The following RNASEH2B variants were observed in gnomAD, a reference collection of about 807,000 sequenced individuals.
RNASEH2B encodes the protein ribonuclease H2 subunit B.
Under a neutral mutation model 45.0 loss-of-function variants are expected in RNASEH2B, and 36 were observed. That is an observed-to-expected ratio of 0.80 (90% CI 0.61 to 1.06). The LOEUF (loss-of-function observed/expected upper bound fraction) is 1.06. Ranked by LOEUF, RNASEH2B falls within the 50% of genes least tolerant of loss-of-function variation. The pLI, the probability that RNASEH2B is intolerant of heterozygous loss-of-function variation, is 0.00. For missense variants in RNASEH2B, 361 were observed against 360.3 expected (o/e 1.00, Z -0.02); for synonymous variants, 119 against 125.7 (o/e 0.95, Z 0.35).
chr13:50,910,251 G>C (rs1161508736), intron 1 of RNASEH2B, 111 bp downstream of exon 1: 1 of 689,218 alleles, frequency 1.5e-6, no homozygotes, highest in Non-Finnish European at 2.1e-6. Context: ...GGCCCGGCGC[G>C]GGATGGGATT....
intron 1 of RNASEH2B, among the ~76,000 whole-genome samples, chr13:50,919,340 CTG>C (rs2137898485): frequency 6.6e-6 from 1 of 152,316 alleles, no homozygotes; most frequent in African/African-American, 2.4e-5. Flanking sequence ...ATGGTTAAGT[CTG>C]TGCATTAATA....
In RNASEH2B at chr13:50,966,473, G is replaced by A. The variant is rs537035371; in HGVS notation, c.742-3459G>A. 7.2e-5 allele frequency among the ~76,000 whole-genome samples: 11 copies of A among 151,912 alleles called. No homozygotes were observed. The South Asian group carries it at 2.3e-3, about 32-fold the overall frequency. ...TTCCACAAACTGCAAAACCACTTGG[G>A]TACATAGACAAAAGCCTCCATCTTT... On this transcript the variant is annotated intron_variant, in intron 9 of 9. Transcript: ENST00000422660.
chr13:50,924,750 G>A (rs555317271), intron 1 of RNASEH2B, among the ~76,000 whole-genome samples: 163 of 152,154 alleles, frequency 1.1e-3, no homozygotes, highest in South Asian at 5.2e-3. Flanking sequence ...GTTTCACCCC[G>A]TTGCCCAGGC....
chr13:50,961,167 T>C (rs897098417), downstream of RNASEH2B, among the ~76,000 whole-genome samples: 1 of 152,164 alleles, frequency 6.6e-6, no homozygotes, highest in African/African-American at 2.4e-5. Context: ...ACAGTTTTCA[T>C]TGTGAATTAT....
chr13:50,959,527 C>T (rs965904871), downstream of RNASEH2B: 5 of 152,242 alleles, frequency 3.3e-5, no homozygotes, highest in African/African-American at 4.8e-5. Flanking sequence ...GATCTCAGCT[C>T]ACCACAACCT....
intron 1 of RNASEH2B, chr13:50,911,712 G>C (rs1274119392): frequency 6.6e-6 from 1 of 152,110 alleles, no homozygotes; most frequent in African/African-American, 2.4e-5. Flanking sequence ...TCTCGCAAAG[G>C]GCTACCCGTA....
At chr13:50,916,394 C>G (rs938173585) in intron 1 of RNASEH2B, among the ~76,000 whole-genome samples, 4 of 151,990 alleles carry the variant, frequency 2.6e-5, no homozygotes, top group African/African-American at 7.3e-5. Context: ...TTTTTTTCCT[C>G]TTAATTTTGA....
upstream of RNASEH2B, chr13:50,909,764 C>G (rs886050287): frequency 7.4e-6 from 2 of 271,612 alleles, no homozygotes; most frequent in Admixed American, 5.6e-5. Context: ...TCACTCGGCG[C>G]CCTGCGGCGC....
Position 50,963,239 on chromosome 13 carries a change from G to A in RNASEH2B, c.742-6693G>A, listed in dbSNP as rs1385152354. Among the ~76,000 whole-genome samples the A allele has an allele frequency of 1.4e-4, 21 of 151,936 alleles. 1 individual carries two copies. The East Asian group carries it at 3.3e-3, about 24-fold the overall frequency. ...GAGTGCAATGGCACAATCTCAGCTC[G>A]CTGCAACTTCCGCCTCCCGGGTTCA... On this transcript the variant is annotated intron_variant, in intron 9 of 9. Coordinates refer to the RNASEH2B transcript ENST00000422660.
chr13:50,968,694 T>C (rs1393470458), intron 9 of RNASEH2B, among the ~76,000 whole-genome samples: 2 of 152,264 alleles, frequency 1.3e-5, no homozygotes, highest in East Asian at 3.8e-4. Flanking sequence ...TAATGAATTC[T>C]GCAGGTCAAT....
chr13:50,920,406 T>C (rs1465718830), intron 1 of RNASEH2B, among the ~76,000 whole-genome samples: 1 of 152,140 alleles, frequency 6.6e-6, no homozygotes, highest in East Asian at 1.9e-4. Flanking sequence ...CGGTGGGATA[T>C]ACAATTGAAT....
At chr13:50,970,198 C>T in exon 10 of RNASEH2B, 1 of 600,536 alleles carries the variant, frequency 1.7e-6, no homozygotes, top group Non-Finnish European at 2.9e-6. Flanking sequence ...AGCTTGAAAG[C>T]ATCCCAGCGG....
chr13:50,910,478 C>G, intron 1 of RNASEH2B: 1 of 239,716 alleles, frequency 4.2e-6, no homozygotes. Context: ...CTTGGTGTCC[C>G]CTACCTGGCA....
At chr13:50,967,952 C>T (rs1952181698) in intron 9 of RNASEH2B, among the ~76,000 whole-genome samples, 1 of 152,160 alleles carries the variant, frequency 6.6e-6, no homozygotes, top group African/African-American at 2.4e-5. Context: ...GCTTTGTCCT[C>T]ATCTGAATAA....
At chr13:50,969,889 T>C (rs1215975040) in intron 9 of RNASEH2B, 10 of 1,541,224 alleles carry the variant, frequency 6.5e-6, no homozygotes, top group Admixed American at 2.0e-5. Context: ...GGTGACTGTT[T>C]CTCCTCACCA....
chr13:50,926,440 G>A (rs9535531), intron 1 of RNASEH2B, among the ~76,000 whole-genome samples: 70,904 of 151,856 alleles, frequency 0.47, 17,134 homozygotes, highest in African/African-American at 0.51. Flanking sequence ...TAAGAGTTCT[G>A]TGAATATGCC....
upstream of RNASEH2B, chr13:50,909,764 C>T (rs886050287): frequency 1.5e-5 from 4 of 271,612 alleles, no homozygotes; most frequent in African/African-American, 6.7e-5. Flanking sequence ...TCACTCGGCG[C>T]CCTGCGGCGC....
chr13:50,940,303 G>A (rs905380685), intron 5 of RNASEH2B, among the ~76,000 whole-genome samples: 1 of 152,198 alleles, frequency 6.6e-6, no homozygotes, highest in Admixed American at 6.5e-5. Flanking sequence ...TTTGGGGGAT[G>A]ATGCTTACAT....
At position 50,910,102 on chromosome 13, in the gene RNASEH2B, A is replaced by T. The variant is rs929922905; in HGVS notation, c.26A>T (p.Asp9Val). Residue 9 changes from aspartate (D) to valine (V), a missense_variant, in exon 1 of 11, where the codon GAC (aspartate) becomes GTC (valine). Physicochemically the swap from Asp to Val is radical, Grantham distance 152. Coordinates refer to ENST00000336617, the MANE Select transcript of RNASEH2B (RefSeq NM_024570.4). MAAGVDCG[D>V]GVGARQHVFL... The stretch of plus-strand genomic sequence containing the variant: ...ATGGCCGCTGGCGTGGACTGCGGGG[A>T]CGGGGTTGGCGCCCGGCAGCACGTG... 3.4e-6 allele frequency: 5 copies of T among 1,460,250 alleles called. No individual in the cohort carries two copies. The highest frequency in any genetic ancestry group is 2.6e-5 in the Admixed American group (1 of 37,942). The allele number at this position is 1,460,250 out of a possible 1,614,324, so 90.5% of individuals were successfully genotyped here. A position where few individuals can be genotyped will look rare whatever the true frequency, so the allele number is the denominator to read the frequency against.
Sources: allele counts gnomAD v4.1 joint callset (sites outside exome capture counted in the v4.1 genomes callset), GRCh38; gene constraint gnomAD v4.1.1; transcripts MANE v1.5; gene names NCBI Gene and HGNC (gene_info 2026-07-23, HGNC 2026-07-21).